The following RGS6 variants were observed in gnomAD, a reference collection of about 807,000 sequenced individuals.
The protein encoded by RGS6 is regulator of G-protein signaling 6.
RGS6 carries 30 observed loss-of-function variants against 78.5 expected under a neutral mutation model. The observed-to-expected ratio is 0.38, with a 90% CI of 0.29 to 0.52. The LOEUF (loss-of-function observed/expected upper bound fraction) is 0.52. Among genes scored for constraint, RGS6 ranks in the 20% least tolerant of loss-of-function variants. The pLI is 0.85. For synonymous variants in RGS6, 206 were observed against 206.0 expected (o/e 1.00, Z 0.00); for missense variants, 495 against 609.7 (o/e 0.81, Z 1.98).
At chr14:72,301,376 G>A (rs2066012062) in intron 2 of RGS6, among the ~76,000 whole-genome samples, 4 of 152,084 alleles carry the variant, frequency 2.6e-5, no homozygotes, top group Admixed American at 2.6e-4. Context: ...ACATTTCAAA[G>A]CAACGTATCA....
At chr14:72,448,917 A>T (rs777998033) in intron 3 of RGS6, among the ~76,000 whole-genome samples, 5 of 152,182 alleles carry the variant, frequency 3.3e-5, no homozygotes, top group Non-Finnish European at 7.3e-5. Context: ...GGATATAATA[A>T]TTATCATATT....
intron 2 of RGS6, among the ~76,000 whole-genome samples, chr14:72,108,404 A>T (rs910559156): frequency 2.0e-5 from 3 of 151,908 alleles, no homozygotes; most frequent in Admixed American, 2.0e-4. Flanking sequence ...CTTGATGCTG[A>T]TAGTTATGGG....
At chr14:72,423,964 G>A (rs570915474) in intron 3 of RGS6, among the ~76,000 whole-genome samples, 55 of 152,290 alleles carry the variant, frequency 3.6e-4, no homozygotes, top group Non-Finnish European at 6.9e-4. Context: ...CCTGGCTGGG[G>A]TTGTGATAAG....
At chr14:72,018,066 C>T (rs1018354755) in intron 2 of RGS6, among the ~76,000 whole-genome samples, 15 of 152,190 alleles carry the variant, frequency 9.9e-5, no homozygotes, top group Non-Finnish European at 2.1e-4. Context: ...AGGATGACGG[C>T]TTCCAGCTCC....
At position 72,201,082 on chromosome 14, in the gene RGS6, C is replaced by T. The variant is rs547452734; in HGVS notation, c.85-151013C>T. On this transcript the variant is annotated intron_variant, in intron 2 of 17. Transcript: ENST00000553525. The stretch of plus-strand genomic sequence containing the variant: ...CTCACCCTCTGAGGATTAGGTCAGC[C>T]ACAGTGAGCTTTCTCAAGGAAGTGG... Among the ~76,000 whole-genome samples, 11 of 152,096 alleles carry T rather than the reference C, an allele frequency of 7.2e-5. No homozygotes were observed. In the South Asian group the frequency reaches 2.3e-3, roughly 32 times the overall value.
the RGS6 span, among the ~76,000 whole-genome samples, chr14:71,915,872 G>A: frequency 1.3e-5 from 2 of 152,160 alleles, no homozygotes; most frequent in Admixed American, 1.3e-4. Context: ...GTCCTTATAA[G>A]CAGAGGAAAT....
intron 13 of RGS6, among the ~76,000 whole-genome samples, chr14:72,509,515 C>T (rs1266089515): frequency 6.6e-6 from 1 of 152,174 alleles, no homozygotes; most frequent in Non-Finnish European, 1.5e-5. Context: ...CATACTAGTA[C>T]ATTTTTCACA....
At chr14:72,391,183 T>C (rs1465165317) in intron 3 of RGS6, among the ~76,000 whole-genome samples, 3 of 152,254 alleles carry the variant, frequency 2.0e-5, no homozygotes, top group Admixed American at 2.0e-4. Flanking sequence ...TTTTCTCTTC[T>C]ACAGACACTA....
intron 2 of RGS6, among the ~76,000 whole-genome samples, chr14:72,000,930 G>T (rs982613823): frequency 6.6e-6 from 1 of 152,168 alleles, no homozygotes; most frequent in Non-Finnish European, 1.5e-5. Context: ...ATTCTTCAGT[G>T]CCAGAAGACC....
intron 3 of RGS6, among the ~76,000 whole-genome samples, chr14:72,392,782 A>G (rs1324012468): frequency 6.6e-6 from 1 of 152,144 alleles, no homozygotes; most frequent in African/African-American, 2.4e-5. Context: ...AAAGCCTTCC[A>G]CACTTCTTCC....
intron 2 of RGS6, among the ~76,000 whole-genome samples, chr14:72,046,135 C>T (rs1033043591): frequency 8.6e-5 from 13 of 151,748 alleles, no homozygotes; most frequent in African/African-American, 1.7e-4. Context: ...TCCCTAGGAG[C>T]GTCTCCCCCA....
intron 2 of RGS6, among the ~76,000 whole-genome samples, chr14:72,088,041 A>T (rs1305776993): frequency 6.6e-6 from 1 of 152,126 alleles, no homozygotes; most frequent in Non-Finnish European, 1.5e-5. Flanking sequence ...ACTGTGGAGG[A>T]GTTTGCGCTT....
rs143092152 is a variant in RGS6, at chr14:72,234,680, C to T, written c.85-117415C>T. ...CAGGGACACCACCACCAGTCCCAGC[C>T]GCTCTCAGTCTCTGCTTGCAGTGCC... On this transcript the variant is annotated intron_variant, in intron 2 of 17. Coordinates refer to ENST00000553525, the MANE Select transcript of RGS6 (RefSeq NM_001204424.2). 9.1e-4 allele frequency among the ~76,000 whole-genome samples: 138 copies of T among 152,028 alleles called. 1 individual carries two copies. The highest frequency in any genetic ancestry group is 2.9e-3 in the African/African-American group (120 of 41,448).
chr14:72,066,632 G>A (rs967879446), intron 2 of RGS6, among the ~76,000 whole-genome samples: 1 of 151,444 alleles, frequency 6.6e-6, no homozygotes, highest in Non-Finnish European at 1.5e-5. Context: ...AATTAGGTCA[G>A]TGTTATTTTG....
At chr14:72,263,771 C>T (rs1019624367) in intron 2 of RGS6, among the ~76,000 whole-genome samples, 1 of 152,182 alleles carries the variant, frequency 6.6e-6, no homozygotes, top group African/African-American at 2.4e-5. Context: ...TTGGACTTCC[C>T]AGTCTCCAGA....
chr14:72,301,722 T>C (rs1481176021), intron 2 of RGS6, among the ~76,000 whole-genome samples: 2 of 152,128 alleles, frequency 1.3e-5, no homozygotes, highest in Non-Finnish European at 2.9e-5. Context: ...CCTTAGCATA[T>C]GTTGTTGGCT....
chr14:72,203,604 A>G (rs1163414578), intron 2 of RGS6, among the ~76,000 whole-genome samples: 1 of 152,152 alleles, frequency 6.6e-6, no homozygotes, highest in Admixed American at 6.5e-5. Flanking sequence ...GCTGTTGGCT[A>G]GAGACATCAG....
intron 3 of RGS6, among the ~76,000 whole-genome samples, chr14:72,428,435 C>T (rs1342775033): frequency 6.6e-6 from 1 of 151,970 alleles, no homozygotes; most frequent in Non-Finnish European, 1.5e-5. Context: ...ATTCAGTTCG[C>T]CCAGGAGTGA....
intron 3 of RGS6, among the ~76,000 whole-genome samples, chr14:72,353,584 C>A (rs2079564756): frequency 6.6e-6 from 1 of 152,084 alleles, no homozygotes; most frequent in South Asian, 2.1e-4. Flanking sequence ...AGTGTGACTG[C>A]AAAAGACAAC....
Sources: allele counts gnomAD v4.1 joint callset (sites outside exome capture counted in the v4.1 genomes callset), GRCh38; gene constraint gnomAD v4.1.1; transcripts MANE v1.5; gene names NCBI Gene and HGNC (gene_info 2026-07-23, HGNC 2026-07-21).